Variants in RCOR3 observed in about 807,000 individuals in gnomAD.
The protein encoded by RCOR3 is REST corepressor 3.
A neutral mutation model predicts 64.1 loss-of-function variants in RCOR3; 13 were observed. The ratio of observed to expected loss-of-function variants is 0.20; its 90% confidence interval spans 0.13 to 0.32. The LOEUF (loss-of-function observed/expected upper bound fraction) is 0.32. Among genes scored for constraint, RCOR3 ranks in the 10% least tolerant of loss-of-function variants. The probability of loss-of-function intolerance (pLI) is 1.00; values close to 1 mark genes in which losing one functional copy is unlikely to be tolerated. For synonymous variants in RCOR3, 215 were observed against 239.0 expected (o/e 0.90, Z 0.93); for missense variants, 489 against 701.2 (o/e 0.70, Z 3.42).
At chr1:211,273,126 T>G (rs1696473748) in intron 3 of RCOR3, among the ~76,000 whole-genome samples, 1 of 152,168 alleles carries the variant, frequency 6.6e-6, no homozygotes, top group South Asian at 2.1e-4. Context: ...CATTTAACAA[T>G]TTTATTCTAA....
At chr1:211,265,941 A>G (rs1695110131) in intron 2 of RCOR3, among the ~76,000 whole-genome samples, 2 of 152,130 alleles carry the variant, frequency 1.3e-5, no homozygotes, top group South Asian at 4.1e-4. Context: ...TTTGGAATAC[A>G]TGAGAGATGG....
rs144878697 is a variant in RCOR3, at chr1:211,285,857, T to G, written c.721-3321T>G. Among the ~76,000 whole-genome samples, 377 of 152,328 alleles carry G rather than the reference T, an allele frequency of 2.5e-3. 1 individual carries two copies. The highest frequency in any genetic ancestry group is 8.7e-3 in the African/African-American group (361 of 41,582). On this transcript the variant is annotated intron_variant, in intron 7 of 11. Transcript: ENST00000419091. ...AGAAGTAGTTTTTTATATGTTGAAG[T>G]TAGTGTTATTAGGTGCATACAAATT... is the stretch of plus-strand genomic sequence containing the variant.
chr1:211,260,504 G>T (rs138832859), intron 2 of RCOR3, among the ~76,000 whole-genome samples: 1,850 of 152,332 alleles, frequency 0.012, 14 homozygotes, highest in Middle Eastern at 0.071. Context: ...GAGCAGGCGT[G>T]CGGACTGTAT....
intron 5 of RCOR3, among the ~76,000 whole-genome samples, chr1:211,277,643 T>C (rs1419014602): frequency 6.6e-6 from 1 of 152,100 alleles, no homozygotes; most frequent in Non-Finnish European, 1.5e-5. Flanking sequence ...AGTAGATTAG[T>C]GGTTGCCAGG....
chr1:211,292,722 T>TA (rs1188174856), intron 8 of RCOR3, among the ~76,000 whole-genome samples: 1 of 152,190 alleles, frequency 6.6e-6, no homozygotes, highest in Non-Finnish European at 1.5e-5. Context: ...TAGTGCCACA[T>TA]ACTCTCAATT....
At chr1:211,264,639 G>T (rs1270584379) in intron 2 of RCOR3, among the ~76,000 whole-genome samples, 1 of 151,944 alleles carries the variant, frequency 6.6e-6, no homozygotes, top group East Asian at 1.9e-4. Context: ...AGCTATGATG[G>T]CGCCACTGTA....
chr1:211,262,336 A>T (rs988458949), intron 2 of RCOR3, among the ~76,000 whole-genome samples: 2 of 152,104 alleles, frequency 1.3e-5, no homozygotes, highest in Non-Finnish European at 2.9e-5. Context: ...CGCCCAGCCT[A>T]TAAAAACTAA....
At chr1:211,306,021 A>T (rs182918617) in intron 10 of RCOR3, among the ~76,000 whole-genome samples, 102 of 152,258 alleles carry the variant, frequency 6.7e-4, no homozygotes, top group African/African-American at 2.1e-3. Flanking sequence ...TTTCTTAATA[A>T]TGTGTTAATG....
chr1:211,264,083 A>G (rs1186553650), intron 2 of RCOR3, among the ~76,000 whole-genome samples: 1 of 152,208 alleles, frequency 6.6e-6, no homozygotes. Context: ...TTGGCCTCCC[A>G]AAGTGTTGGG....
chr1:211,268,129 C>T (rs1361757238), intron 2 of RCOR3, among the ~76,000 whole-genome samples: 2 of 152,182 alleles, frequency 1.3e-5, no homozygotes, highest in South Asian at 2.1e-4. Flanking sequence ...ATTGTCATGA[C>T]CATTGTGCAG....
intron 9 of RCOR3, among the ~76,000 whole-genome samples, chr1:211,300,803 G>A (rs1700300016): frequency 6.6e-6 from 1 of 152,202 alleles, no homozygotes; most frequent in African/African-American, 2.4e-5. Context: ...CCCACAATGA[G>A]CAGTAGTGAG....
At chr1:211,282,447 A>G (rs1414399979) in intron 7 of RCOR3, among the ~76,000 whole-genome samples, 4 of 152,132 alleles carry the variant, frequency 2.6e-5, no homozygotes, top group African/African-American at 9.7e-5. Flanking sequence ...CAGTGTATCT[A>G]CCACTGAGCT....
intron 2 of RCOR3, among the ~76,000 whole-genome samples, chr1:211,263,709 C>T (rs1403568955): frequency 1.3e-5 from 2 of 152,070 alleles, no homozygotes; most frequent in African/African-American, 4.8e-5. Context: ...CTATTTTATT[C>T]TTATTTATAA....
At chr1:211,277,548 G>T (rs1024075914) in intron 5 of RCOR3, among the ~76,000 whole-genome samples, 1 of 152,132 alleles carries the variant, frequency 6.6e-6, no homozygotes, top group African/African-American at 2.4e-5. Flanking sequence ...CTTGCTAATT[G>T]AAAGAAGCAA....
At chr1:211,261,849 G>A (rs1183196316) in intron 2 of RCOR3, among the ~76,000 whole-genome samples, 1 of 146,656 alleles carries the variant, frequency 6.8e-6, no homozygotes, top group African/African-American at 2.5e-5. Context: ...GCTTGAACCC[G>A]GGAGGCGGAG....
rs781777251 is a variant in RCOR3 at position 211,315,684 on chromosome 1, G to C, written c.*1916G>C. ...TAGACCTTCAGTACACAGTATGTGG[G>C]ATATGTCAGTCAAGTTGGTCAGCAC... On this transcript the variant is annotated 3_prime_UTR_variant, in exon 12 of 12. Coordinates refer to ENST00000419091, the MANE Select transcript of RCOR3 (RefSeq NM_001136223.3). The C allele has an allele frequency of 9.2e-5, 14 of 152,156 alleles. No homozygotes were observed. The highest frequency in any genetic ancestry group is 2.0e-4 in the Admixed American group (3 of 15,280). 9.4% of individuals were successfully genotyped at this position (152,156 alleles called of 1,614,324 possible). A position where few individuals can be genotyped will look rare whatever the true frequency, so the allele number is the denominator to read the frequency against.
In RCOR3 at chr1:211,312,234, A is replaced by G. The variant is rs1021159299; in HGVS notation, c.1076-486A>G. 3.1e-6 allele frequency: 1 copy of G among 318,184 alleles called. No homozygotes were observed. Among genetic ancestry groups the G allele is most frequent in the African/African-American group, 2.1e-5 (1 of 47,294 alleles). The allele number at this position is 318,184 out of a possible 1,614,324, so 19.7% of individuals were successfully genotyped here. A position where few individuals can be genotyped will look rare whatever the true frequency, so the allele number is the denominator to read the frequency against. ...CATGTTGAAGTTAGTATTAAGACCA[A>G]AATTATAATGCTTTTCTTAATGGGG... On this transcript the variant is annotated intron_variant, in intron 10 of 11. Coordinates refer to ENST00000419091, the MANE Select transcript of RCOR3 (RefSeq NM_001136223.3). This position sits in a 1 kb window ranked among gnomAD's most constrained non-coding sequence, Gnocchi z 5.0.
intron 10 of RCOR3, among the ~76,000 whole-genome samples, chr1:211,304,678 G>A (rs1479236585): frequency 1.3e-5 from 2 of 152,184 alleles, no homozygotes; most frequent in Non-Finnish European, 2.9e-5. Context: ...AGACTTAAGA[G>A]CGATATCAAA....
chr1:211,263,116 T>TG (rs1694645840), intron 2 of RCOR3, among the ~76,000 whole-genome samples: 1 of 147,274 alleles, frequency 6.8e-6, no homozygotes, highest in African/African-American at 2.5e-5. Context: ...AGTGAGAACA[T>TG]GCGGTGTTTG....
Sources: gnomAD v4.1 joint callset for allele counts (sites outside exome capture counted in the v4.1 genomes callset) on GRCh38, gnomAD v4.1.1 for gene constraint, Gnocchi (gnomAD v3.1) non-coding constraint, MANE v1.5 for transcripts, NCBI Gene and HGNC (gene_info 2026-07-23, HGNC 2026-07-21) for gene names.